The following ATRNL1 variants were observed in gnomAD, a reference collection of about 807,000 sequenced individuals.
ATRNL1 encodes attractin-like protein 1.
In ATRNL1, 95 loss-of-function variants were observed where a neutral mutation model predicts 182.7. That is an observed-to-expected ratio of 0.52 (90% CI 0.44 to 0.62). The LOEUF is 0.62. ATRNL1 is among the 20% of genes least tolerant of loss of function. The pLI is 0.00. For missense variants in ATRNL1, 1,471 were observed against 1,679.5 expected (o/e 0.88, Z 2.17); for synonymous variants, 576 against 568.3 (o/e 1.01, Z -0.19).
At chr10:115,314,757 C>G (rs1854207879) in intron 17 of ATRNL1, among the ~76,000 whole-genome samples, 1 of 152,062 alleles carries the variant, frequency 6.6e-6, no homozygotes, top group Non-Finnish European at 1.5e-5. Flanking sequence ...GCAAACTTCA[C>G]CATATTCATA....
chr10:115,372,369 A>G (rs1857441756), intron 19 of ATRNL1, among the ~76,000 whole-genome samples: 1 of 152,084 alleles, frequency 6.6e-6, no homozygotes, highest in Non-Finnish European at 1.5e-5. Flanking sequence ...TCTTAATTGG[A>G]AACAATCCCA....
intron 26 of ATRNL1, among the ~76,000 whole-genome samples, chr10:115,573,993 A>G (rs1292797070): frequency 2.0e-5 from 3 of 152,178 alleles, no homozygotes; most frequent in African/African-American, 4.8e-5. Flanking sequence ...TGTGACAGAC[A>G]GGAAAGAAAT....
chr10:115,425,484 A>G (rs1391784121), intron 20 of ATRNL1, among the ~76,000 whole-genome samples: 1 of 152,002 alleles, frequency 6.6e-6, no homozygotes, highest in Non-Finnish European at 1.5e-5. Flanking sequence ...TCTATTAGAC[A>G]TTGTCAATTT....
At chr10:115,310,412 G>C (rs549460088) in intron 17 of ATRNL1, among the ~76,000 whole-genome samples, 1 of 152,058 alleles carries the variant, frequency 6.6e-6, no homozygotes, top group Admixed American at 6.6e-5. Context: ...AGTAGGATTG[G>C]TACCAATTCT....
intron 27 of ATRNL1, among the ~76,000 whole-genome samples, chr10:115,831,432 A>G (rs782253714): frequency 1.3e-5 from 2 of 152,224 alleles, no homozygotes; most frequent in Non-Finnish European, 2.9e-5. Flanking sequence ...AATAAAGAGG[A>G]ATGAGCATCT....
Position 115,129,607 on chromosome 10 carries a change from C to T in ATRNL1, c.829+72C>T, listed in dbSNP as rs529764368. On this transcript the variant is annotated intron_variant, in intron 5 of 28. Transcript: ENST00000355044. ...GTAATAGATTAATACAAATTCCACA[C>T]GTTTGTTTCGTTATAGTTTGCACAC... 9.7e-5 allele frequency: 123 copies of T among 1,269,170 alleles called. 1 individual carries two copies. In the African/African-American group the frequency reaches 1.3e-3, roughly 13 times the overall value. The allele number at this position is 1,269,170 out of a possible 1,614,324, so 78.6% of individuals were successfully genotyped here. A position where few individuals can be genotyped will look rare whatever the true frequency, so the allele number is the denominator to read the frequency against.
At chr10:115,880,997 G>C (rs2615890) in intron 28 of ATRNL1, among the ~76,000 whole-genome samples, 3 of 151,856 alleles carry the variant, frequency 2.0e-5, no homozygotes, top group African/African-American at 7.3e-5. Flanking sequence ...TAATCCCCCC[G>C]GGGTGAAAAT....
intron 21 of ATRNL1, among the ~76,000 whole-genome samples, chr10:115,447,615 G>A (rs1322338361): frequency 6.6e-6 from 1 of 151,800 alleles, no homozygotes; most frequent in Non-Finnish European, 1.5e-5. Context: ...TGCAGCCATA[G>A]TGCATTTATT....
intron 9 of ATRNL1, among the ~76,000 whole-genome samples, chr10:115,234,748 G>C (rs751830206): frequency 1.5e-4 from 22 of 151,518 alleles, no homozygotes; most frequent in Non-Finnish European, 2.8e-4. Context: ...GTGCCAGCAG[G>C]GCCGACTAAT....
In ATRNL1 at chr10:115,260,054, G is replaced by A. The variant is rs149331900; in HGVS notation, c.1688-5139G>A. On this transcript the variant is annotated intron_variant, in intron 10 of 28. Transcript: ENST00000355044. Reference sequence around the variant, plus strand: ...AGTAATAAAGCTGTCACTTCCTACCGCTACATGTATTGAAAGGCAAATAAC... The same window carrying A: ...AGTAATAAAGCTGTCACTTCCTACCACTACATGTATTGAAAGGCAAATAAC... Among the ~76,000 whole-genome samples the A allele has an allele frequency of 3.6e-3, 541 of 152,174 alleles. 2 individuals carry two copies. Among genetic ancestry groups the A allele is most frequent in the African/African-American group, 0.013 (520 of 41,526 alleles).
intron 11 of ATRNL1, among the ~76,000 whole-genome samples, chr10:115,266,433 T>G (rs945432707): frequency 1.3e-5 from 2 of 151,662 alleles, no homozygotes; most frequent in African/African-American, 4.8e-5. Flanking sequence ...AACATTGTTT[T>G]CTATATTATT....
intron 25 of ATRNL1, among the ~76,000 whole-genome samples, chr10:115,524,202 A>G (rs914176812): frequency 6.6e-6 from 1 of 152,194 alleles, no homozygotes; most frequent in South Asian, 2.1e-4. Context: ...CCTGTGACCC[A>G]AACACCTCCC....
intron 27 of ATRNL1, among the ~76,000 whole-genome samples, chr10:115,825,370 A>G (rs1445410399): frequency 1.3e-5 from 2 of 152,146 alleles, no homozygotes; most frequent in African/African-American, 4.8e-5. Context: ...CATGACACGT[A>G]TATACCTATG....
intron 26 of ATRNL1, among the ~76,000 whole-genome samples, chr10:115,700,066 C>T (rs1946683773): frequency 6.6e-6 from 1 of 152,164 alleles, no homozygotes; most frequent in African/African-American, 2.4e-5. Flanking sequence ...ATATGTACCA[C>T]ATTTTCTTTA....
chr10:115,437,661 C>A (rs1468605497), intron 21 of ATRNL1, among the ~76,000 whole-genome samples: 2 of 151,890 alleles, frequency 1.3e-5, no homozygotes, highest in Non-Finnish European at 2.9e-5. Flanking sequence ...TTTATAGACT[C>A]CTCAGGATGG....
At chr10:115,337,858 A>G (rs1428903451) in intron 19 of ATRNL1, among the ~76,000 whole-genome samples, 1 of 151,756 alleles carries the variant, frequency 6.6e-6, no homozygotes, top group African/African-American at 2.4e-5. Flanking sequence ...TTTTCCACGG[A>G]TGGGGTGGTG....
chr10:115,587,847 A>G (rs1009215260), intron 26 of ATRNL1, among the ~76,000 whole-genome samples: 2 of 109,356 alleles, frequency 1.8e-5, no homozygotes, highest in African/African-American at 5.6e-5. Context: ...TTTAACTATT[A>G]AAATAACAAA....
chr10:115,615,584 G>A (rs964343252), intron 26 of ATRNL1, among the ~76,000 whole-genome samples: 13 of 151,992 alleles, frequency 8.6e-5, no homozygotes, highest in East Asian at 1.9e-4. Flanking sequence ...TGTAATCCCC[G>A]TTATTGGAGG....
intron 25 of ATRNL1, among the ~76,000 whole-genome samples, chr10:115,531,752 A>G: frequency 6.6e-6 from 1 of 150,380 alleles, no homozygotes; most frequent in Non-Finnish European, 1.5e-5. Flanking sequence ...TAGGGTTTTT[A>G]TGGTTTTAGG....
Sources: gnomAD v4.1 joint callset for allele counts (sites outside exome capture counted in the v4.1 genomes callset) on GRCh38, gnomAD v4.1.1 for gene constraint, MANE v1.5 for transcripts, NCBI Gene and HGNC (gene_info 2026-07-23, HGNC 2026-07-21) for gene names.